Variants in IL13RA1 observed in about 807,000 individuals in gnomAD.
The protein encoded by IL13RA1 is interleukin-13 receptor subunit alpha-1.
IL13RA1 carries 14 observed loss-of-function variants against 33.8 expected under a neutral mutation model. The observed-to-expected ratio is 0.41, with a 90% CI of 0.27 to 0.65. The LOEUF (loss-of-function observed/expected upper bound fraction) is 0.65, where lower values mean the gene tolerates loss of function less well. Among genes scored for constraint, IL13RA1 ranks in the 30% least tolerant of loss-of-function variants. IL13RA1 has a pLI of 0.28. For missense variants in IL13RA1, 313 were observed against 327.0 expected, an observed-to-expected ratio of 0.96 and a Z score of 0.33; for synonymous variants, 116 against 115.7, an observed-to-expected ratio of 1.00 and a Z score of -0.02.
chrX:118,749,437 G>A (rs923567987), intron 3 of IL13RA1, among the ~76,000 whole-genome samples: 1 of 111,765 alleles, frequency 8.9e-6, no homozygotes, highest in Non-Finnish European at 1.9e-5. Flanking sequence ...TAGGGAAGAT[G>A]TTTTCTTTGT....
intron 8 of IL13RA1, among the ~76,000 whole-genome samples, chrX:118,767,431 C>T (rs2017661863): frequency 9.0e-6 from 1 of 110,964 alleles, no homozygotes. Context: ...GTCTTGGCTA[C>T]CCAAGAGGCA....
At chrX:118,728,738 G>A (rs2017184095) in intron 1 of IL13RA1, among the ~76,000 whole-genome samples, 2 of 112,152 alleles carry the variant, frequency 1.8e-5, no homozygotes, top group African/African-American at 6.5e-5. Context: ...TAAAATACAT[G>A]CTGCCAGGCA....
intron 10 of IL13RA1, among the ~76,000 whole-genome samples, chrX:118,779,084 G>A (rs907173545): frequency 2.7e-5 from 3 of 112,128 alleles, no homozygotes; most frequent in Non-Finnish European, 5.6e-5. Flanking sequence ...GGGGATTTCT[G>A]AGAAAAAGAT....
At chrX:118,734,631 T>A (rs2017261094) in intron 1 of IL13RA1, among the ~76,000 whole-genome samples, 2 of 112,475 alleles carry the variant, frequency 1.8e-5, no homozygotes, top group South Asian at 3.6e-4. Context: ...TCAAGTTTTG[T>A]ATGTTAAAAC....
downstream of IL13RA1, among the ~76,000 whole-genome samples, chrX:118,795,487 A>G (rs1397303220): frequency 8.9e-6 from 1 of 112,050 alleles, no homozygotes; most frequent in Non-Finnish European, 1.9e-5. Flanking sequence ...TTATCCAGGA[A>G]GATTCTGAAA....
Position 118,770,452 on chromosome X carries a change from C to T in IL13RA1, c.1010-3427C>T, listed in dbSNP as rs755311895. 7.2e-6 allele frequency: 3 copies of T among 418,701 alleles called. No individual in the cohort carries two copies. The Admixed American group carries it at 8.4e-5, about 12-fold the overall frequency. The allele number at this position is 418,701 out of a possible 1,213,427, so 34.5% of individuals were successfully genotyped here. A position where few individuals can be genotyped will look rare whatever the true frequency, so the allele number is the denominator to read the frequency against. On this transcript the variant is annotated intron_variant, in intron 8 of 10. Coordinates refer to ENST00000371666, the MANE Select transcript of IL13RA1 (RefSeq NM_001560.3). ...GGCACTGGCCTTCCATGGCACAGCACCCCTGCCCAACTGGCGCTGGCTGGT... is the reference window on the plus strand; with the variant it reads ...GGCACTGGCCTTCCATGGCACAGCATCCCTGCCCAACTGGCGCTGGCTGGT...
At chrX:118,771,554 T>C (rs1479002005) in intron 8 of IL13RA1, among the ~76,000 whole-genome samples, 2 of 112,509 alleles carry the variant, frequency 1.8e-5, no homozygotes, top group East Asian at 2.8e-4. Context: ...AGCAGTCACC[T>C]GAGTCCAGTT....
the IL13RA1 span, among the ~76,000 whole-genome samples, chrX:118,803,444 T>C: frequency 8.9e-6 from 1 of 112,627 alleles, no homozygotes; most frequent in African/African-American, 3.2e-5. Flanking sequence ...TCATTTCATC[T>C]GTAAATACTT....
At chrX:118,774,106 TATGAC>T in intron 9 of IL13RA1, 131 bp downstream of exon 9, 1 of 418,263 alleles carries the variant, frequency 2.4e-6, no homozygotes, top group Non-Finnish European at 4.1e-6. Context: ...CTTTCGGGAG[TATGAC>T]ATGACAAGGA....
At chrX:118,770,419 G>A (rs755850510) in intron 8 of IL13RA1, 9 of 385,782 alleles carry the variant, frequency 2.3e-5, no homozygotes, top group South Asian at 7.6e-5. Flanking sequence ...ACTGGTCAAC[G>A]GCAGCCTGGC....
intron 1 of IL13RA1, among the ~76,000 whole-genome samples, chrX:118,730,930 A>G (rs1326598077): frequency 3.6e-5 from 4 of 112,536 alleles, no homozygotes; most frequent in African/African-American, 1.3e-4. Context: ...GATGACTCAT[A>G]TATGACTCTT....
At chrX:118,780,601 G>A (rs1314919713) in intron 10 of IL13RA1, among the ~76,000 whole-genome samples, 1 of 112,546 alleles carries the variant, frequency 8.9e-6, no homozygotes, top group Non-Finnish European at 1.9e-5. Flanking sequence ...TGAAGGGGGA[G>A]CAGGCATCTT....
At chrX:118,746,154 G>T (rs1342562652) in intron 2 of IL13RA1, among the ~76,000 whole-genome samples, 5 of 110,398 alleles carry the variant, frequency 4.5e-5, no homozygotes, top group Non-Finnish European at 9.5e-5. Context: ...TTGAGACAGG[G>T]TCTCACTGCA....
At chrX:118,766,998 T>A in intron 8 of IL13RA1, 22 bp downstream of exon 8, 1 of 960,063 alleles carries the variant, frequency 1.0e-6, no homozygotes, top group Non-Finnish European at 1.4e-6. Flanking sequence ...GAATTTTTAT[T>A]AAAATTTAAA....
the IL13RA1 span, among the ~76,000 whole-genome samples, chrX:118,800,865 C>T: frequency 1.8e-5 from 2 of 111,970 alleles, no homozygotes; most frequent in African/African-American, 6.5e-5. Flanking sequence ...CGGCTCACTG[C>T]AATCTCCACC....
chrX:118,728,651 A>G (rs995556841), intron 1 of IL13RA1, among the ~76,000 whole-genome samples: 3 of 111,991 alleles, frequency 2.7e-5, no homozygotes, highest in African/African-American at 9.7e-5. Context: ...TGCTTATTGC[A>G]TTTTTACCAA....
chrX:118,784,329 A>G (rs1269189302), intron 10 of IL13RA1, among the ~76,000 whole-genome samples: 1 of 107,701 alleles, frequency 9.3e-6, no homozygotes, highest in Non-Finnish European at 1.9e-5. Context: ...CTTTAGTGAT[A>G]AATGGAGTAA....
chrX:118,802,534 T>C, the IL13RA1 span, among the ~76,000 whole-genome samples: 1 of 111,690 alleles, frequency 9.0e-6, no homozygotes, highest in Non-Finnish European at 1.9e-5. Flanking sequence ...AGGTACTGTA[T>C]GATGCAGGGC....
intron 2 of IL13RA1, among the ~76,000 whole-genome samples, chrX:118,745,851 G>A (rs1195158214): frequency 2.7e-5 from 3 of 111,457 alleles, no homozygotes; most frequent in African/African-American, 9.8e-5. Flanking sequence ...TTAATTTCCC[G>A]GAGAGCCCAT....
Sources: allele counts gnomAD v4.1 joint callset (sites outside exome capture counted in the v4.1 genomes callset), GRCh38; gene constraint gnomAD v4.1.1; transcripts MANE v1.5; gene names NCBI Gene and HGNC (gene_info 2026-07-23, HGNC 2026-07-21).